Variants in TMEM108 observed in about 807,000 individuals in gnomAD.
TMEM108 encodes the protein cancer/testis antigen 124.
In TMEM108, 12 loss-of-function variants were observed where a neutral mutation model predicts 35.1. The ratio of observed to expected loss-of-function variants is 0.34; its 90% CI spans 0.22 to 0.55. The LOEUF is 0.55. Ranked by LOEUF, TMEM108 falls within the 20% of genes least tolerant of loss-of-function variation. The pLI is 0.89. For missense variants in TMEM108, 680 were observed against 753.3 expected, an observed-to-expected ratio of 0.90 and a Z score of 1.14; for synonymous variants, 287 against 308.6, an observed-to-expected ratio of 0.93 and a Z score of 0.73.
chr3:133,131,925 A>G (rs1349106647), intron 2 of TMEM108, among the ~76,000 whole-genome samples: 1 of 152,208 alleles, frequency 6.6e-6, no homozygotes, highest in African/African-American at 2.4e-5. Context: ...ATAGATAGAT[A>G]GATAATATAT....
chr3:133,112,931 T>C (rs991647246), intron 2 of TMEM108, among the ~76,000 whole-genome samples: 1 of 152,174 alleles, frequency 6.6e-6, no homozygotes, highest in Non-Finnish European at 1.5e-5. Flanking sequence ...TTAAAAACTT[T>C]GTCAATAAAC....
At chr3:133,257,652 C>A (rs978254334) in intron 3 of TMEM108, among the ~76,000 whole-genome samples, 2 of 152,136 alleles carry the variant, frequency 1.3e-5, no homozygotes, top group Admixed American at 6.5e-5. Flanking sequence ...CTTAGATATG[C>A]CTCTCTTCCT....
At chr3:133,183,485 G>C (rs1244404032) in intron 2 of TMEM108, among the ~76,000 whole-genome samples, 3 of 152,156 alleles carry the variant, frequency 2.0e-5, no homozygotes, top group Non-Finnish European at 4.4e-5. Context: ...GTGTGAAGAA[G>C]TTTGGAGTCA....
At chr3:133,323,237 ATATGAT>A (rs1174798247) in intron 3 of TMEM108, among the ~76,000 whole-genome samples, 28 of 152,278 alleles carry the variant, frequency 1.8e-4, no homozygotes, top group African/African-American at 5.8e-4. Context: ...TTCCCCAATG[ATATGAT>A]TATATCATTC....
At chr3:133,103,339 A>T (rs1295383889) in intron 2 of TMEM108, among the ~76,000 whole-genome samples, 1 of 152,200 alleles carries the variant, frequency 6.6e-6, no homozygotes, top group Non-Finnish European at 1.5e-5. Context: ...AAGAACAGAA[A>T]ACCAAATACC....
In TMEM108 at chr3:133,179,499, C is replaced by T. The variant is rs763398847; in HGVS notation, c.-46-49767C>T. Among the ~76,000 whole-genome samples the T allele has an allele frequency of 3.3e-3, 510 of 152,246 alleles. 1 individual carries two copies. The highest frequency in any genetic ancestry group is 5.8e-3 in the Non-Finnish European group (392 of 68,038). On this transcript the variant is annotated intron_variant, in intron 2 of 5. Coordinates refer to ENST00000321871, the MANE Select transcript of TMEM108 (RefSeq NM_023943.4). ...CCATAAAAAATGATGAGTTCATGTC[C>T]TTTGTAGGGACATGGATGAAGCTGG...
At chr3:133,319,611 C>G (rs1301480291) in intron 3 of TMEM108, among the ~76,000 whole-genome samples, 12 of 152,230 alleles carry the variant, frequency 7.9e-5, no homozygotes, top group Non-Finnish European at 1.6e-4. Context: ...ACCAAGGACT[C>G]TCACAGAGTC....
At chr3:133,352,367 A>C (rs989193047) in intron 3 of TMEM108, among the ~76,000 whole-genome samples, 1 of 152,198 alleles carries the variant, frequency 6.6e-6, no homozygotes, top group Non-Finnish European at 1.5e-5. Flanking sequence ...GGGTTCCCAC[A>C]CTAGCCAATT....
At chr3:133,376,968 C>G (rs1230843984) in intron 3 of TMEM108, among the ~76,000 whole-genome samples, 1 of 152,110 alleles carries the variant, frequency 6.6e-6, no homozygotes, top group African/African-American at 2.4e-5. Flanking sequence ...GGGTTGGAGT[C>G]CCCCGAGTCC....
intron 2 of TMEM108, among the ~76,000 whole-genome samples, chr3:133,227,835 C>T (rs1254612419): frequency 1.3e-5 from 2 of 151,838 alleles, no homozygotes; most frequent in Admixed American, 6.6e-5. Flanking sequence ...GTGGAGGTTG[C>T]AGTGAGCTGA....
At chr3:133,312,727 G>A (rs781251534) in intron 3 of TMEM108, among the ~76,000 whole-genome samples, 11 of 152,314 alleles carry the variant, frequency 7.2e-5, no homozygotes, top group Non-Finnish European at 1.5e-4. Context: ...GCCCTCTGTG[G>A]GCTGCATCCA....
At chr3:133,291,615 T>G (rs1947070708) in intron 3 of TMEM108, among the ~76,000 whole-genome samples, 1 of 152,110 alleles carries the variant, frequency 6.6e-6, no homozygotes, top group South Asian at 2.1e-4. Context: ...GCAGCAACCT[T>G]CATGGAGCTA....
chr3:133,332,731 C>T (rs983658953), intron 3 of TMEM108, among the ~76,000 whole-genome samples: 2 of 152,162 alleles, frequency 1.3e-5, no homozygotes, highest in Non-Finnish European at 2.9e-5. Flanking sequence ...TCAATCAGCT[C>T]GATTCAGTCT....
chr3:133,365,702 T>G (rs879347757), intron 3 of TMEM108, among the ~76,000 whole-genome samples: 1 of 152,212 alleles, frequency 6.6e-6, no homozygotes. Flanking sequence ...GGGATGCACT[T>G]AAGCTTTCAT....
chr3:133,177,440 C>T (rs575920684), intron 2 of TMEM108, among the ~76,000 whole-genome samples: 1 of 152,298 alleles, frequency 6.6e-6, no homozygotes, highest in Non-Finnish European at 1.5e-5. Context: ...AAACCAAATC[C>T]AGCAGCACAT....
At chr3:133,375,255 T>A (rs1274898576) in intron 3 of TMEM108, among the ~76,000 whole-genome samples, 4 of 152,238 alleles carry the variant, frequency 2.6e-5, no homozygotes, top group African/African-American at 4.8e-5. Flanking sequence ...GGACCTTTCC[T>A]TCCCTTGGGT....
intron 2 of TMEM108, among the ~76,000 whole-genome samples, chr3:133,133,827 G>A (rs566451535): frequency 1.1e-4 from 16 of 150,852 alleles, no homozygotes; most frequent in Admixed American, 3.3e-4. Context: ...GCAGTGGCGC[G>A]ATCTCGGCTC....
intron 2 of TMEM108, among the ~76,000 whole-genome samples, chr3:133,123,878 G>A (rs1017510436): frequency 6.6e-6 from 1 of 152,144 alleles, no homozygotes; most frequent in Admixed American, 6.6e-5. Context: ...GAAGAAAGTT[G>A]GCTGCAGGTA....
intron 3 of TMEM108, among the ~76,000 whole-genome samples, chr3:133,350,528 C>T (rs934169265): frequency 2.6e-5 from 4 of 151,986 alleles, no homozygotes; most frequent in African/African-American, 7.2e-5. Context: ...AGATATTAAC[C>T]AAAACATCAA....
Sources: allele counts gnomAD v4.1 joint callset (sites outside exome capture counted in the v4.1 genomes callset), GRCh38; gene constraint gnomAD v4.1.1; transcripts MANE v1.5; gene names NCBI Gene and HGNC (gene_info 2026-07-23, HGNC 2026-07-21).